TAF5L: variants seen among roughly 807,000 people sequenced by gnomAD.
The protein encoded by TAF5L is TAF5-like RNA polymerase II p300/CBP-associated factor-associated factor 65 kDa subunit 5L.
In TAF5L, 7 loss-of-function variants were observed where a neutral mutation model predicts 51.3. The observed-to-expected ratio is 0.14, with a 90% CI of 0.08 to 0.26. The LOEUF (loss-of-function observed/expected upper bound fraction) is 0.26. Ranked by LOEUF, TAF5L falls within the 10% of genes least tolerant of loss-of-function variation. The pLI is 1.00. For synonymous variants in TAF5L, 291 were observed against 308.1 expected (o/e 0.94, Z 0.58); for missense variants, 575 against 758.9 (o/e 0.76, Z 2.85).
In TAF5L at chr1:229,625,169, G is replaced by A. The variant is rs530160674; in HGVS notation, c.-4+716C>T. On this transcript the variant is annotated intron_variant, in intron 1 of 4. Transcript: ENST00000258281. This position sits in a 1 kb window ranked among gnomAD's most constrained non-coding sequence, Gnocchi z 4.0. Reference sequence around the variant, plus strand: ...ACTCCACTTCCGCTAAGTCTAAAATGACACCACTGTTTCTAACCATCCACT... The same window carrying A: ...ACTCCACTTCCGCTAAGTCTAAAATAACACCACTGTTTCTAACCATCCACT... Among the ~76,000 whole-genome samples, 8 of 152,298 alleles carry A rather than the reference G, an allele frequency of 5.3e-5. 1 individual carries two copies. The highest frequency in any genetic ancestry group is 1.9e-4 in the African/African-American group (8 of 41,548).
chr1:229,600,184 C>T (rs914488963), intron 4 of TAF5L: 4 of 985,274 alleles, frequency 4.1e-6, no homozygotes, highest in Non-Finnish European at 4.8e-6. Context: ...TTATGCCTGG[C>T]TTTCTCCCCA....
rs1664436908 is a variant in TAF5L, at chr1:229,602,828, C to A, written c.339G>T (p.Lys113Asn). The A allele has an allele frequency of 6.2e-7, 1 of 1,613,010 alleles. No homozygotes were observed. Among genetic ancestry groups the A allele is most frequent in the African/African-American group, 1.3e-5 (1 of 75,008 alleles). ...GGCTGTAAAAACTTTCCACTGTGCT[C>A]TTCGGACTGTTTTGGACCAGGTTGA... The change falls in exon 4 of 5, where the codon AAG becomes AAT. Residue 113 changes from lysine (K) to asparagine (N), a missense_variant. Lys to Asn is a moderately conservative substitution (Grantham distance 94, BLOSUM62 0). Transcript: ENST00000258281. The surrounding 1 kb of genome is among the most constrained non-coding windows in gnomAD (Gnocchi z 4.6).
chr1:229,598,690 C>CTTTTTTTTTTTTTTTTTTTTT (rs71563413), intron 4 of TAF5L, among the ~76,000 whole-genome samples: 1 of 141,404 alleles, frequency 7.1e-6, no homozygotes, highest in Non-Finnish European at 1.5e-5. Context: ...TTGGATATCT[C>CTTTTTTTTTTTTTTTTTTTTT]TTTTTTTTTT....
intron 3 of TAF5L, chr1:229,607,322 T>C (rs967647379): frequency 1.1e-5 from 11 of 985,426 alleles, no homozygotes; most frequent in Middle Eastern, 5.2e-4. Context: ...TGCCAAGCAC[T>C]TTAATTCACA....
At chr1:229,610,062 C>A in intron 3 of TAF5L, 44 bp downstream of exon 3, 1 of 1,582,950 alleles carries the variant, frequency 6.3e-7, no homozygotes, top group South Asian at 1.1e-5. Context: ...GTCTGTATTA[C>A]TCTGTTTTCT....
At position 229,594,909 on chromosome 1, in the gene TAF5L, A is replaced by G; in HGVS notation, c.1158T>C (p.Pro386=). The G allele has an allele frequency of 2.5e-6, 4 of 1,614,228 alleles. No individual in the cohort carries two copies. The highest frequency in any genetic ancestry group is 3.4e-6 in the Non-Finnish European group (4 of 1,180,038). Residue 386 remains proline (P), a synonymous_variant, in exon 5 of 5, where the codon CCT becomes CCC. Transcript: ENST00000258281. The surrounding 1 kb of genome is among the most constrained non-coding windows in gnomAD (Gnocchi z 7.9). Reference sequence around the variant, plus strand: ...ATGGACTGATGTCCAGATCCCACACAGGATAGGCATGTCCTTGGTACAACA... The same window carrying G: ...ATGGACTGATGTCCAGATCCCACACGGGATAGGCATGTCCTTGGTACAACA...
chr1:229,614,847 C>T (rs1460681663), intron 1 of TAF5L, among the ~76,000 whole-genome samples: 1 of 152,164 alleles, frequency 6.6e-6, no homozygotes, highest in Non-Finnish European at 1.5e-5. Flanking sequence ...AATTTAGGGC[C>T]TTTGATTTCT....
chr1:229,593,453 A>T (rs1436196318), exon 5 of TAF5L: 1 of 152,074 alleles, frequency 6.6e-6, no homozygotes, highest in Non-Finnish European at 1.5e-5. Context: ...GAGGGGAGAG[A>T]ATTATTAAGA....
chr1:229,601,206 AG>A (rs1221563396), intron 4 of TAF5L: 9 of 985,350 alleles, frequency 9.1e-6, no homozygotes, highest in Admixed American at 6.1e-5. Context: ...CTCAGAAAAC[AG>A]GAACAGGAAA....
intron 1 of TAF5L, among the ~76,000 whole-genome samples, chr1:229,617,863 C>T (rs1405644424): frequency 2.0e-5 from 3 of 152,174 alleles, no homozygotes; most frequent in Non-Finnish European, 4.4e-5. Context: ...TGAGTCCAAA[C>T]TACCATTTAT....
At chr1:229,619,360 C>T (rs1300025483) in intron 1 of TAF5L, among the ~76,000 whole-genome samples, 1 of 152,166 alleles carries the variant, frequency 6.6e-6, no homozygotes, top group Non-Finnish European at 1.5e-5. Flanking sequence ...CATAAATACA[C>T]TTGAACTAGA....
At position 229,602,522 on chromosome 1, in the gene TAF5L, G is replaced by C. The variant is rs1296102218; in HGVS notation, c.645C>G (p.Ser215=). ...CCAAACCGTTGTTCTCACTGCGGGA[G>C]GAGCTGCCACTGGCATACAGCTGAT... Residue 215 remains serine, a synonymous_variant, in exon 4 of 5, where the codon TCC becomes TCG. Coordinates refer to ENST00000258281, the Ensembl canonical transcript of TAF5L. The surrounding 1 kb of genome is among the most constrained non-coding windows in gnomAD (Gnocchi z 4.6). 6.2e-7 allele frequency: 1 copy of C among 1,614,056 alleles called. No individual in the cohort carries two copies. Among genetic ancestry groups the C allele is most frequent in the African/African-American group, 1.3e-5 (1 of 74,936 alleles).
chr1:229,599,781 T>C (rs1664295507), intron 4 of TAF5L: 1 of 975,054 alleles, frequency 1.0e-6, no homozygotes, highest in African/African-American at 1.8e-5. Flanking sequence ...TTTTCCATTC[T>C]CTTGGATATA....
chr1:229,622,123 C>A (rs1223414726), intron 1 of TAF5L, among the ~76,000 whole-genome samples: 1 of 151,840 alleles, frequency 6.6e-6, no homozygotes, highest in Non-Finnish European at 1.5e-5. Context: ...ATTATACATA[C>A]ATTATGTTTT....
chr1:229,615,623 A>G, intron 1 of TAF5L, among the ~76,000 whole-genome samples: 1 of 152,264 alleles, frequency 6.6e-6, no homozygotes, highest in Admixed American at 6.5e-5. Flanking sequence ...AAAAGAAAAA[A>G]AAAAAAGAGG....
In TAF5L at chr1:229,595,016, G is replaced by C; in HGVS notation, c.1051C>G (p.Leu351Val). Reference sequence around the variant, plus strand: ...GAGAGCAACCCTGAGCTGTCCGCGAGGAACCTCGTGCTGTACACTGGTCCG... The same window carrying C: ...GAGAGCAACCCTGAGCTGTCCGCGACGAACCTCGTGCTGTACACTGGTCCG... The change falls in exon 5 of 5, where the codon CTC (leucine) becomes GTC (valine). Residue 351 changes from leucine to valine, a missense_variant. Transcript: ENST00000258281. 4.3e-6 allele frequency: 7 copies of C among 1,614,190 alleles called. No individual in the cohort carries two copies. Among genetic ancestry groups the C allele is most frequent in the Non-Finnish European group, 5.9e-6 (7 of 1,180,038 alleles).
At chr1:229,619,395 C>T (rs1459896823) in intron 1 of TAF5L, among the ~76,000 whole-genome samples, 2 of 152,080 alleles carry the variant, frequency 1.3e-5, no homozygotes, top group Non-Finnish European at 2.9e-5. Context: ...CCATGGTGTC[C>T]TAAGAAATAA....
rs149237715 is a variant in TAF5L at position 229,602,488 on chromosome 1, C to T, written c.679G>A (p.Asp227Asn). 17 of 1,613,966 alleles carry T rather than the reference C, an allele frequency of 1.1e-5. No individual in the cohort carries two copies. Among genetic ancestry groups the T allele is most frequent in the African/African-American group, 9.3e-5 (7 of 74,898 alleles). ...TTCTGCAGAATAGGGCTGGGCATGT[C>T]GGGGGGCTCCAAACCGTTGTTCTCA... is the stretch of plus-strand genomic sequence containing the variant. The change falls in exon 4 of 5, where the codon GAC becomes AAC. Residue 227 changes from aspartate (D) to asparagine (N), a missense_variant. By Grantham distance (23) the Asp-to-Asn change is conservative. This residue lies in a region of TAF5L where 380 missense variants were observed against 443.7 expected (regional missense o/e 0.86). Coordinates refer to ENST00000258281, the Ensembl canonical transcript of TAF5L. This position sits in a 1 kb window ranked among gnomAD's most constrained non-coding sequence, Gnocchi z 4.6.
At chr1:229,598,581 AAAAG>A (rs1664219336) in intron 4 of TAF5L, among the ~76,000 whole-genome samples, 1 of 152,206 alleles carries the variant, frequency 6.6e-6, no homozygotes, top group Non-Finnish European at 1.5e-5. Context: ...CACACAGCTG[AAAAG>A]AAAGAAGAGC....
Sources: gnomAD v4.1 joint callset for allele counts (sites outside exome capture counted in the v4.1 genomes callset) on GRCh38, gnomAD v4.1.1 for gene constraint, gnomAD v4.1.1 regional missense constraint, Gnocchi (gnomAD v3.1) non-coding constraint, MANE v1.5 for transcripts, NCBI Gene and HGNC (gene_info 2026-07-23, HGNC 2026-07-21) for gene names.